Variants in DDX4 observed in about 807,000 individuals in gnomAD.
The protein encoded by DDX4 is probable ATP-dependent RNA helicase DDX4.
DDX4 carries 25 observed loss-of-function variants against 100.0 expected under a neutral mutation model. That is an observed-to-expected ratio of 0.25 (90% CI 0.18 to 0.35). The LOEUF is 0.35. Among genes scored for constraint, DDX4 ranks in the 10% least tolerant of loss-of-function variants. The pLI is 1.00. For synonymous variants in DDX4, 259 were observed against 275.7 expected (o/e 0.94, Z 0.60); for missense variants, 635 against 882.4 (o/e 0.72, Z 3.55).
chr5:55,768,357 C>T (rs572052522), intron 7 of DDX4, among the ~76,000 whole-genome samples: 3 of 152,156 alleles, frequency 2.0e-5, no homozygotes, highest in Non-Finnish European at 2.9e-5. Context: ...TGTTTAGCTC[C>T]CACTTATAAG....
At chr5:55,761,985 C>T (rs139924156) in intron 4 of DDX4, among the ~76,000 whole-genome samples, 1,794 of 152,272 alleles carry the variant, frequency 0.012, 16 homozygotes, top group Middle Eastern at 0.017. Context: ...GTTGACTCTT[C>T]ATTGCTTAAA....
chr5:55,749,679 C>T (rs1242893190), intron 3 of DDX4, among the ~76,000 whole-genome samples: 2 of 152,090 alleles, frequency 1.3e-5, no homozygotes, highest in Non-Finnish European at 2.9e-5. Flanking sequence ...TATTGTACAG[C>T]TTCTATGTTG....
intron 7 of DDX4, among the ~76,000 whole-genome samples, chr5:55,771,360 G>A (rs983616582): frequency 2.0e-5 from 3 of 151,932 alleles, no homozygotes; most frequent in Non-Finnish European, 4.4e-5. Flanking sequence ...CGATAATTTC[G>A]TCTATTTTTA....
intron 7 of DDX4, among the ~76,000 whole-genome samples, chr5:55,770,025 G>A (rs868065621): frequency 1.3e-5 from 2 of 152,144 alleles, no homozygotes; most frequent in African/African-American, 4.8e-5. Flanking sequence ...GTGCCAGCAT[G>A]CCTGGCTAAG....
At chr5:55,782,271 A>G in intron 10 of DDX4, 1 of 287,754 alleles carries the variant, frequency 3.5e-6, no homozygotes. Context: ...TGTCATTTAT[A>G]ATAAGTAAAA....
At chr5:55,792,829 T>C (rs755162552) in intron 17 of DDX4, 22 bp downstream of exon 17, 2 of 1,270,718 alleles carry the variant, frequency 1.6e-6, no homozygotes, top group Non-Finnish European at 2.0e-6. Context: ...TTCTTAAAAA[T>C]AATTTAATTA....
At chr5:55,816,407 G>A in intron 21 of DDX4, 56 bp from the exon 22 acceptor site, 1 of 1,534,104 alleles carries the variant, frequency 6.5e-7, no homozygotes, top group Non-Finnish European at 8.8e-7. Flanking sequence ...CTTTAAAGCT[G>A]TCATAAAATT....
chr5:55,749,064 A>C (rs1481235880), intron 3 of DDX4, among the ~76,000 whole-genome samples: 1 of 152,194 alleles, frequency 6.6e-6, no homozygotes, highest in Non-Finnish European at 1.5e-5. Context: ...CCTTCTAAAC[A>C]ACTGGTATTA....
At chr5:55,753,575 C>A (rs1329700686) in intron 3 of DDX4, among the ~76,000 whole-genome samples, 1 of 151,934 alleles carries the variant, frequency 6.6e-6, no homozygotes, top group Non-Finnish European at 1.5e-5. Flanking sequence ...GTTACTGTGG[C>A]CTTGTAGTAT....
chr5:55,739,192 TATAGGATACA>T (rs1280764477), intron 2 of DDX4, among the ~76,000 whole-genome samples, 160 bp downstream of exon 2: 2 of 152,194 alleles, frequency 1.3e-5, no homozygotes, highest in Non-Finnish European at 2.9e-5. Context: ...CTAAGCCTCG[TATAGGATACA>T]ATAGCTTGAG....
chr5:55,763,905 A>T, intron 5 of DDX4, 109 bp from the exon 6 acceptor site: 1 of 745,354 alleles, frequency 1.3e-6, no homozygotes, highest in Admixed American at 2.0e-5. Flanking sequence ...AGCTATGTAT[A>T]CAATTGTGTA....
intron 20 of DDX4, 28 bp downstream of exon 20, chr5:55,815,199 A>G (rs750491588): frequency 6.2e-7 from 1 of 1,608,550 alleles, no homozygotes; most frequent in Non-Finnish European, 8.5e-7. Context: ...GATGGAATGG[A>G]TAGTTTTCTT....
chr5:55,765,231 T>C (rs1301954979), intron 6 of DDX4, among the ~76,000 whole-genome samples: 2 of 151,754 alleles, frequency 1.3e-5, no homozygotes, highest in East Asian at 1.9e-4. Flanking sequence ...TTTCTACTTA[T>C]ACACAGACCT....
At chr5:55,763,018 T>C (rs1740659072) in intron 4 of DDX4, among the ~76,000 whole-genome samples, 157 bp from the exon 5 acceptor site, 1 of 152,192 alleles carries the variant, frequency 6.6e-6, no homozygotes, top group African/African-American at 2.4e-5. Context: ...GTTTTTCTTT[T>C]AAGTTGCAGG....
chr5:55,762,783 A>C lies in DDX4; in HGVS notation c.206-392A>C, dbSNP rs115289218. The stretch of plus-strand genomic sequence containing the variant: ...GATAAATATAAGAAATAGAAAAATA[A>C]AAAATAGAACAGTTAAACAGGACAC... On this transcript the variant is annotated intron_variant, in intron 4 of 21. Transcript: ENST00000505374. Among the ~76,000 whole-genome samples, 342 of 152,276 alleles carry C rather than the reference A, an allele frequency of 2.2e-3. 1 individual carries two copies. The highest frequency in any genetic ancestry group is 7.9e-3 in the African/African-American group (330 of 41,566).
chr5:55,783,047 C>T (rs911292585), intron 10 of DDX4, among the ~76,000 whole-genome samples: 2 of 152,054 alleles, frequency 1.3e-5, no homozygotes, highest in Non-Finnish European at 2.9e-5. Flanking sequence ...CCACCTCAGC[C>T]TCCCAAAGTG....
intron 3 of DDX4, among the ~76,000 whole-genome samples, chr5:55,749,516 A>C (rs982652241): frequency 1.3e-5 from 2 of 152,170 alleles, no homozygotes; most frequent in Non-Finnish European, 2.9e-5. Context: ...AGCTCTGTGC[A>C]GGGACGCACT....
intron 10 of DDX4, among the ~76,000 whole-genome samples, chr5:55,784,224 A>C (rs1013584251): frequency 6.6e-6 from 1 of 152,154 alleles, no homozygotes; most frequent in African/African-American, 2.4e-5. Flanking sequence ...GATTGCTGGT[A>C]CAAGTCCTAG....
At chr5:55,744,049 C>CT (rs908089493) in intron 2 of DDX4, among the ~76,000 whole-genome samples, 4 of 151,216 alleles carry the variant, frequency 2.6e-5, no homozygotes, top group African/African-American at 7.3e-5. Context: ...TAAACTGGAA[C>CT]TTTTTTTTAC....
Sources: gnomAD v4.1 joint callset for allele counts (sites outside exome capture counted in the v4.1 genomes callset) on GRCh38, gnomAD v4.1.1 for gene constraint, MANE v1.5 for transcripts, NCBI Gene and HGNC (gene_info 2026-07-23, HGNC 2026-07-21) for gene names.